Variants in ATP5F1B observed in about 807,000 individuals in gnomAD.
ATP5F1B encodes ATP synthase F(1) complex subunit beta, mitochondrial.
ATP5F1B carries 17 observed loss-of-function variants against 45.9 expected under a neutral mutation model. The observed-to-expected ratio is 0.37, with a 90% confidence interval of 0.25 to 0.56. The LOEUF (loss-of-function observed/expected upper bound fraction) is 0.56. Among genes scored for constraint, ATP5F1B ranks in the 20% least tolerant of loss-of-function variants. The pLI, the probability that ATP5F1B is intolerant of heterozygous loss-of-function variation, is 0.80. For synonymous variants in ATP5F1B, 218 were observed against 256.5 expected (o/e 0.85, Z 1.43); for missense variants, 387 against 673.2 (o/e 0.57, Z 4.70).
In ATP5F1B at chr12:56,639,769, C is replaced by CA. The variant is rs1224447849; in HGVS notation, c.1287+210dup. On this transcript the variant is annotated intron_variant, in intron 8 of 9. Transcript: ENST00000262030. The stretch of plus-strand genomic sequence containing the variant: ...TTGGGAGACACAGTGAGACTCATCT[C>CA]AAAAAAAAAAAAAAAGAAAGAAAAA... Among the ~76,000 whole-genome samples the CA allele has an allele frequency of 5.9e-3, 589 of 100,638 alleles. 5 individuals carry two copies. Among genetic ancestry groups the CA allele is most frequent in the Admixed American group, 0.026 (239 of 9,228 alleles). 66.0% of individuals were successfully genotyped at this position (100,638 alleles called of 152,430 possible).
intron 5 of ATP5F1B, 29 bp from the exon 6 acceptor site, chr12:56,642,860 C>T (rs776399822): frequency 2.5e-6 from 4 of 1,612,490 alleles, no homozygotes; most frequent in African/African-American, 1.3e-5. Flanking sequence ...ATCGTAAAAC[C>T]TGACAAAGGA....
rs1951540674 is a variant in ATP5F1B at position 56,645,213 on chromosome 12, C to G, written c.268G>C (p.Gly90Arg). The change falls in exon 2 of 10, where the codon GGC becomes CGC. Residue 90 changes from glycine (G) to arginine (R), a missense_variant. Gly to Arg is a moderately radical substitution (Grantham distance 125). Coordinates refer to ENST00000262030, the MANE Select transcript of ATP5F1B (RefSeq NM_001686.4). ...PPILNALEVQ[G>R]RETRLVLEVA... ...TCCAAAACCAGTCTGGTCTCCCTGC[C>G]TTGCACTTCCAGGGCATTTAGAATT... The G allele has an allele frequency of 6.2e-7, 1 of 1,614,128 alleles. No individual in the cohort carries two copies. Among genetic ancestry groups the G allele is most frequent in the African/African-American group, 1.3e-5 (1 of 74,952 alleles).
intron 3 of ATP5F1B, among the ~76,000 whole-genome samples, chr12:56,644,548 T>C (rs2950394): frequency 0.21 from 32,037 of 151,644 alleles, 3,858 homozygotes; most frequent in Middle Eastern, 0.3. Flanking sequence ...GAGGTGGAGG[T>C]TGCAGTGAGT....
At chr12:56,639,388 G>A in intron 8 of ATP5F1B, 81 bp from the exon 9 acceptor site, 1 of 1,348,084 alleles carries the variant, frequency 7.4e-7, no homozygotes. Context: ...TTACATGCTA[G>A]GGGGCAGAGA....
At chr12:56,643,011 T>A in intron 5 of ATP5F1B, 180 bp from the exon 6 acceptor site, 1 of 656,122 alleles carries the variant, frequency 1.5e-6, no homozygotes, top group Non-Finnish European at 2.5e-6. Flanking sequence ...CTTCTTATAT[T>A]AGTAAGGCAA....
In ATP5F1B at chr12:56,645,904, G is replaced by A. The variant is rs1170774163; in HGVS notation, c.60C>T (p.Leu20=). 6.2e-7 allele frequency: 1 copy of A among 1,608,018 alleles called. No individual in the cohort carries two copies. The highest frequency in any genetic ancestry group is 8.5e-7 in the Non-Finnish European group (1 of 1,177,744). Residue 20 remains leucine (L), a synonymous_variant, in exon 1 of 10, where the codon CTC becomes CTT. Coordinates refer to ENST00000262030, the MANE Select transcript of ATP5F1B (RefSeq NM_001686.4). The part of the protein sequence containing the change: ...AAPASGALRR[L]TPSASLPPAQ... ...CTGGGGGCAGCGACGCTGAAGGGGT[G>A]AGTCTCCGCAAGGCCCCGGAGGCCG...
chr12:56,641,545 A>C (rs1008382552), intron 7 of ATP5F1B, among the ~76,000 whole-genome samples: 1 of 151,728 alleles, frequency 6.6e-6, no homozygotes, highest in African/African-American at 2.4e-5. Flanking sequence ...TAATGCAGTA[A>C]ATTTTTTTTT....
intron 7 of ATP5F1B, among the ~76,000 whole-genome samples, chr12:56,641,746 T>C (rs551838092): frequency 6.6e-6 from 1 of 151,992 alleles, no homozygotes; most frequent in African/African-American, 2.4e-5. Flanking sequence ...GAGATGGGGT[T>C]TCACTGTGTT....
At chr12:56,645,598 A>G (rs1321324509) in intron 1 of ATP5F1B, among the ~76,000 whole-genome samples, 1 of 152,178 alleles carries the variant, frequency 6.6e-6, no homozygotes, top group Non-Finnish European at 1.5e-5. Context: ...CGGAAGGTCA[A>G]CGCACCTGCC....
rs774243357 is a variant in ATP5F1B at position 56,644,918 on chromosome 12, T to G, written c.348A>C (p.Thr116=). The G allele has an allele frequency of 6.2e-6, 10 of 1,614,262 alleles. No homozygotes were observed. The highest frequency in any genetic ancestry group is 7.6e-6 in the Non-Finnish European group (9 of 1,180,044). Residue 116 remains threonine, a synonymous_variant, in exon 3 of 10, where the codon ACA becomes ACC. Coordinates refer to ENST00000262030, the MANE Select transcript of ATP5F1B (RefSeq NM_001686.4). ...CTTTCTGGCCTCTAACCAAGCCTTC[T>G]GTACCATCCATAGCAATAGTCCTTA... ...STVRTIAMDG[T]EGLVRGQKVL... is the part of the protein sequence containing the mutation.
chr12:56,639,948 C>T (rs766580897), intron 8 of ATP5F1B, 32 bp downstream of exon 8: 9 of 1,609,236 alleles, frequency 5.6e-6, no homozygotes, highest in East Asian at 2.2e-5. Context: ...TTTGACTTTC[C>T]GGACACTGAT....
At chr12:56,640,213 G>T in intron 7 of ATP5F1B, 21 bp from the exon 8 acceptor site, 2 of 1,582,584 alleles carry the variant, frequency 1.3e-6, no homozygotes, top group South Asian at 1.1e-5. Flanking sequence ...ATCCCATGAA[G>T]AACAGGAACC....
At chr12:56,643,991 C>A (rs1438842080) in intron 3 of ATP5F1B, 33 bp from the exon 4 acceptor site, 2 of 1,605,516 alleles carry the variant, frequency 1.2e-6, no homozygotes, top group South Asian at 2.2e-5. Context: ...AGTATCTATT[C>A]ACCTTGTTGA....
intron 6 of ATP5F1B, 30 bp from the exon 7 acceptor site, chr12:56,642,610 C>T (rs1168344860): frequency 1.2e-6 from 2 of 1,613,964 alleles, no homozygotes; most frequent in Non-Finnish European, 1.7e-6. Flanking sequence ...TAGGTGTCTA[C>T]ATCCTTAGCC....
rs538676627 is a variant in ATP5F1B at position 56,644,180 on chromosome 12, C to T, written c.486-222G>A. On this transcript the variant is annotated intron_variant, in intron 3 of 9. Coordinates refer to ENST00000262030, the MANE Select transcript of ATP5F1B (RefSeq NM_001686.4). Reference sequence around the variant, plus strand: ...TCTTAGGAAACAATAATCCCATTCCCTGACTTTAACTGTCATAAATTTTTC... The same window carrying T: ...TCTTAGGAAACAATAATCCCATTCCTTGACTTTAACTGTCATAAATTTTTC... Among the ~76,000 whole-genome samples the T allele has an allele frequency of 2.6e-5, 4 of 152,278 alleles. No homozygotes were observed. The South Asian group carries it at 8.3e-4, about 32-fold the overall frequency.
chr12:56,638,234 C>CA lies in ATP5F1B; in HGVS notation c.*88dup. 1 of 1,081,872 alleles carries CA rather than the reference C, an allele frequency of 9.2e-7. No individual in the cohort carries two copies. Among genetic ancestry groups the CA allele is most frequent in the Non-Finnish European group, 1.4e-6 (1 of 721,942 alleles). 67.0% of individuals were successfully genotyped at this position (1,081,872 alleles called of 1,614,324 possible). ...ATACTGTTCAGAAAGAATATATCTT[C>CA]AATCAAGGCTCTTGTGCAGCCTACA... On this transcript the variant is annotated 3_prime_UTR_variant, in exon 10 of 10. Transcript: ENST00000262030.
At chr12:56,645,139 G>A (rs1215409088) in intron 2 of ATP5F1B, 32 bp downstream of exon 2, 12 of 1,613,616 alleles carry the variant, frequency 7.4e-6, no homozygotes, top group Middle Eastern at 1.6e-4. Flanking sequence ...GGCTACACAA[G>A]GTCTTTACTA....
At position 56,639,087 on chromosome 12, in the gene ATP5F1B, T is replaced by C; in HGVS notation, c.1489+19A>G. 6.2e-7 allele frequency: 1 copy of C among 1,612,174 alleles called. No homozygotes were observed. Among genetic ancestry groups the C allele is most frequent in the Non-Finnish European group, 8.5e-7 (1 of 1,178,318 alleles). On this transcript the variant is annotated intron_variant, in intron 9 of 9. Transcript: ENST00000262030. The stretch of plus-strand genomic sequence containing the variant: ...ACCACAGCACAGTAAACATTCAAGA[T>C]TTGTACTCAAAATCTCACCTGCCAA...
Position 56,639,239 on chromosome 12 carries a change from C to G in ATP5F1B, c.1356G>C (p.Leu452Phe). ...GTATTTTCCGTGCACGGGACACGGT[C>G]AACTTGTCTTCCTCAGAAAGTTCAT... ...GMDELSEEDK[L>F]TVSRARKIQR... Residue 452 changes from leucine to phenylalanine, a missense_variant, in exon 9 of 10, where the codon TTG becomes TTC. Physicochemically the swap from Leu to Phe is conservative, Grantham distance 22. Coordinates refer to ENST00000262030, the MANE Select transcript of ATP5F1B (RefSeq NM_001686.4). The G allele has an allele frequency of 6.2e-7, 1 of 1,614,068 alleles. No individual in the cohort carries two copies. The highest frequency in any genetic ancestry group is 8.5e-7 in the Non-Finnish European group (1 of 1,179,998).
Sources: gnomAD v4.1 joint callset for allele counts (sites outside exome capture counted in the v4.1 genomes callset) on GRCh38, gnomAD v4.1.1 for gene constraint, MANE v1.5 for transcripts, NCBI Gene and HGNC (gene_info 2026-07-23, HGNC 2026-07-21) for gene names.